Variants in NEBL observed in about 807,000 individuals in gnomAD.
NEBL encodes the protein nebulette, also known as LIM and SH3 protein 2.
Under a neutral mutation model 140.2 loss-of-function variants are expected in NEBL, and 122 were observed. The observed-to-expected ratio is 0.87, with a 90% confidence interval of 0.75 to 1.01. NEBL has a LOEUF of 1.01. Among genes scored for constraint, NEBL ranks in the 50% least tolerant of loss-of-function variants. The pLI is 0.00. For missense variants in NEBL, 1,365 were observed against 1,231.3 expected (o/e 1.11, Z -1.62); for synonymous variants, 436 against 398.9 (o/e 1.09, Z -1.11).
chr10:20,980,877 T>C (rs1159251580), intron 3 of NEBL, among the ~76,000 whole-genome samples: 1 of 152,238 alleles, frequency 6.6e-6, no homozygotes, highest in Non-Finnish European at 1.5e-5. Context: ...CAGGCAAGAA[T>C]TTAATATTCT....
chr10:20,993,440 C>A (rs1455497123), intron 3 of NEBL, among the ~76,000 whole-genome samples: 3 of 152,210 alleles, frequency 2.0e-5, no homozygotes, highest in Non-Finnish European at 4.4e-5. Flanking sequence ...AATTATACTG[C>A]ATAGCAAACT....
chr10:21,094,560 G>A (rs895262954), intron 2 of NEBL, among the ~76,000 whole-genome samples: 2 of 143,600 alleles, frequency 1.4e-5, no homozygotes, highest in African/African-American at 2.5e-5. Flanking sequence ...TGGAGTGCCT[G>A]TAATCCCAGC....
chr10:20,920,437 C>G (rs189887602), intron 4 of NEBL, among the ~76,000 whole-genome samples: 1 of 152,110 alleles, frequency 6.6e-6, no homozygotes, highest in African/African-American at 2.4e-5. Flanking sequence ...TGTAGTCCAG[C>G]GACACACTGG....
At chr10:21,285,099 T>G (rs971571656) in intron 1 of NEBL, among the ~76,000 whole-genome samples, 3 of 152,212 alleles carry the variant, frequency 2.0e-5, no homozygotes, top group African/African-American at 7.2e-5. Flanking sequence ...TGAGTCACTA[T>G]GACATTGTTT....
intron 2 of NEBL, among the ~76,000 whole-genome samples, chr10:20,891,876 T>C (rs1371994872): frequency 1.3e-5 from 2 of 152,184 alleles, no homozygotes; most frequent in Non-Finnish European, 2.9e-5. Flanking sequence ...GAATGTTAGA[T>C]TTTTAAATAC....
At chr10:21,273,434 G>T (rs772808808) in intron 1 of NEBL, among the ~76,000 whole-genome samples, 10 of 152,266 alleles carry the variant, frequency 6.6e-5, no homozygotes, top group Middle Eastern at 6.8e-3. Context: ...AAGTCTAGGG[G>T]ACTTCCTCCC....
chr10:21,237,257 TGCAGTAGC>T (rs1424871951), intron 3 of NEBL, among the ~76,000 whole-genome samples: 1 of 152,054 alleles, frequency 6.6e-6, no homozygotes, highest in Non-Finnish European at 1.5e-5. Context: ...CAGGCTGGAG[TGCAGTAGC>T]GCAATCTCAA....
intron 2 of NEBL, among the ~76,000 whole-genome samples, chr10:21,151,341 C>G (rs931237412): frequency 6.6e-6 from 1 of 152,178 alleles, no homozygotes; most frequent in Non-Finnish European, 1.5e-5. Context: ...CCCTCAAGGA[C>G]CATGGCTTCA....
intron 4 of NEBL, among the ~76,000 whole-genome samples, chr10:20,959,373 T>C (rs948873109): frequency 1.1e-4 from 16 of 152,134 alleles, no homozygotes; most frequent in Non-Finnish European, 1.8e-4. Flanking sequence ...CTCACCTGTT[T>C]CCTCTCATAA....
intron 2 of NEBL, among the ~76,000 whole-genome samples, chr10:21,144,660 G>A (rs1013232408): frequency 2.0e-5 from 3 of 152,040 alleles, no homozygotes; most frequent in African/African-American, 7.2e-5. Flanking sequence ...CGGGGAGTTG[G>A]AGGTTGCAAT....
chr10:21,167,881 A>G (rs937206608), intron 2 of NEBL, among the ~76,000 whole-genome samples: 2 of 152,324 alleles, frequency 1.3e-5, no homozygotes, highest in South Asian at 2.1e-4. Flanking sequence ...AAAAATCCCA[A>G]ATGTGCTAAA....
At chr10:20,934,408 T>G (rs149746748) in intron 4 of NEBL, among the ~76,000 whole-genome samples, 1 of 152,178 alleles carries the variant, frequency 6.6e-6, no homozygotes, top group South Asian at 2.1e-4. Flanking sequence ...TAACGCAGAC[T>G]CATTAGTCAT....
chr10:21,282,399 C>T (rs951638191), intron 1 of NEBL, among the ~76,000 whole-genome samples: 1 of 151,950 alleles, frequency 6.6e-6, no homozygotes, highest in African/African-American at 2.4e-5. Flanking sequence ...GTCACAGAGG[C>T]AAAAGGGAGG....
At chr10:21,141,971 T>C (rs375060837) in intron 2 of NEBL, among the ~76,000 whole-genome samples, 15 of 152,142 alleles carry the variant, frequency 9.9e-5, no homozygotes, top group Non-Finnish European at 4.4e-5. Flanking sequence ...CATAATACTA[T>C]ATCCTTCTAG....
intron 26 of NEBL, among the ~76,000 whole-genome samples, chr10:20,807,575 A>G (rs567385939): frequency 6.6e-6 from 1 of 152,344 alleles, no homozygotes; most frequent in East Asian, 1.9e-4. Context: ...AGAAAAACTA[A>G]TTACACAATT....
chr10:21,120,920 A>G (rs1294525127), intron 2 of NEBL, among the ~76,000 whole-genome samples: 1 of 152,146 alleles, frequency 6.6e-6, no homozygotes, highest in Non-Finnish European at 1.5e-5. Flanking sequence ...GTGGATGTTT[A>G]CCATATTCTT....
rs181543992 is a variant in NEBL at position 21,180,000 on chromosome 10, G to T, written n.349-7523C>A. Among the ~76,000 whole-genome samples, 222 of 152,194 alleles carry T rather than the reference G, an allele frequency of 1.5e-3. 1 individual carries two copies. Among genetic ancestry groups the T allele is most frequent in the Non-Finnish European group, 2.4e-3 (165 of 67,998 alleles). On this transcript the variant is annotated intron_variant and non_coding_transcript_variant, in intron 3 of 8. Transcript: ENST00000675702. Reference sequence around the variant, plus strand: ...AAAAATACAAAAATTAGCTGGGTGTGGTGGTATGCACTTGTAATCCTAGAT... The same window carrying T: ...AAAAATACAAAAATTAGCTGGGTGTTGTGGTATGCACTTGTAATCCTAGAT...
intron 4 of NEBL, among the ~76,000 whole-genome samples, chr10:20,909,794 A>T: frequency 6.6e-6 from 1 of 152,134 alleles, no homozygotes; most frequent in East Asian, 1.9e-4. Context: ...AGAAATACAG[A>T]ATTGTCAGAG....
At chr10:21,215,453 G>A (rs1841978119) in intron 3 of NEBL, among the ~76,000 whole-genome samples, 1 of 152,152 alleles carries the variant, frequency 6.6e-6, no homozygotes, top group Admixed American at 6.5e-5. Context: ...AGCAAATTAA[G>A]CAAAACAATA....
Sources: allele counts gnomAD v4.1 joint callset (sites outside exome capture counted in the v4.1 genomes callset), GRCh38; gene constraint gnomAD v4.1.1; transcripts MANE v1.5; gene names NCBI Gene and HGNC (gene_info 2026-07-23, HGNC 2026-07-21).